WDHD1: variants seen among roughly 807,000 people sequenced by gnomAD.
The protein encoded by WDHD1 is WD repeat and HMG-box DNA-binding protein 1.
WDHD1 carries 111 observed loss-of-function variants against 135.4 expected under a neutral mutation model. The observed-to-expected ratio is 0.82, with a 90% CI of 0.70 to 0.96. The LOEUF is 0.96. Ranked by LOEUF, WDHD1 falls within the 40% of genes least tolerant of loss-of-function variation. The pLI is 0.00. For missense variants in WDHD1, 1,351 were observed against 1,336.3 expected, an observed-to-expected ratio of 1.01 and a Z score of -0.17; for synonymous variants, 434 against 439.0, an observed-to-expected ratio of 0.99 and a Z score of 0.14.
At chr14:54,963,312 A>C (rs1373629484) in intron 18 of WDHD1, 140 bp from the exon 19 acceptor site, 2 of 689,402 alleles carry the variant, frequency 2.9e-6, no homozygotes, top group African/African-American at 1.8e-5. Flanking sequence ...CATTTTTACA[A>C]GTTTTAACAT....
chr14:54,972,592 G>GAAAAAAAAAAAA (rs2041458422), intron 16 of WDHD1, among the ~76,000 whole-genome samples: 1 of 32,962 alleles, frequency 3.0e-5, no homozygotes, highest in Non-Finnish European at 5.2e-5. Flanking sequence ...AAAAAAAAAT[G>GAAAAAAAAAAAA]CCAATGAGGC....
chr14:54,946,516 T>C (rs1384131966), intron 24 of WDHD1, among the ~76,000 whole-genome samples: 1 of 152,196 alleles, frequency 6.6e-6, no homozygotes, highest in East Asian at 1.9e-4. Context: ...GAAAGGGTCT[T>C]GCTTTGTCGC....
chr14:54,943,670 T>C (rs1349824986), intron 25 of WDHD1, among the ~76,000 whole-genome samples: 1 of 152,166 alleles, frequency 6.6e-6, no homozygotes, highest in Non-Finnish European at 1.5e-5. Flanking sequence ...AGTGCTAGGA[T>C]TACAGGCTTG....
At chr14:54,948,853 T>A (rs2040982979) in intron 24 of WDHD1, among the ~76,000 whole-genome samples, 1 of 152,148 alleles carries the variant, frequency 6.6e-6, no homozygotes, top group East Asian at 1.9e-4. Flanking sequence ...TCACCAATAT[T>A]TGCTGTTCTG....
intron 10 of WDHD1, among the ~76,000 whole-genome samples, chr14:54,999,772 T>C (rs1476700474): frequency 6.6e-6 from 1 of 152,082 alleles, no homozygotes; most frequent in African/African-American, 2.4e-5. Context: ...GCCTAATTTT[T>C]ATTTTTTAAT....
chr14:54,999,195 T>G (rs2041939859), intron 10 of WDHD1, among the ~76,000 whole-genome samples: 1 of 152,202 alleles, frequency 6.6e-6, no homozygotes, highest in South Asian at 2.1e-4. Flanking sequence ...CATTCAAGTA[T>G]CTAATCTTTC....
chr14:54,993,178 T>TG (rs1304001603), intron 11 of WDHD1, among the ~76,000 whole-genome samples: 1 of 152,172 alleles, frequency 6.6e-6, no homozygotes, highest in Non-Finnish European at 1.5e-5. Flanking sequence ...AGCCCACTGT[T>TG]GCAATCATGG....
intron 18 of WDHD1, among the ~76,000 whole-genome samples, 189 bp downstream of exon 18, chr14:54,966,286 G>A (rs1465510072): frequency 1.3e-5 from 2 of 151,616 alleles, no homozygotes; most frequent in African/African-American, 2.4e-5. Context: ...AGTGAGCCGA[G>A]ATCGCACCAC....
At chr14:55,013,194 CAAAAAAAAAAAAAA>C (rs71448422) in intron 3 of WDHD1, among the ~76,000 whole-genome samples, 1 of 82,336 alleles carries the variant, frequency 1.2e-5, no homozygotes, top group South Asian at 5.2e-4. Flanking sequence ...GATCCCGTTT[CAAAAAAAAAAAAAA>C]AAAAAAAAAA....
Position 55,009,367 on chromosome 14 carries a change from G to A in WDHD1, c.342-648C>T, listed in dbSNP as rs1030620630. ...TCAACCAACTATATTGTTTTCCTAT[G>A]ACAAAGAAGCATCAAGAGAAACTCC... On this transcript the variant is annotated intron_variant, in intron 4 of 25. Transcript: ENST00000360586. 5.3e-5 allele frequency among the ~76,000 whole-genome samples: 8 copies of A among 151,638 alleles called. No individual in the cohort carries two copies. In the East Asian group the frequency reaches 1.5e-3, roughly 29 times the overall value.
intron 24 of WDHD1, among the ~76,000 whole-genome samples, chr14:54,954,871 A>G (rs900457811): frequency 5.3e-5 from 8 of 152,126 alleles, no homozygotes; most frequent in Non-Finnish European, 1.2e-4. Flanking sequence ...CTGGGATTAC[A>G]GGCATGTGCC....
chr14:55,007,451 A>G, intron 6 of WDHD1, 76 bp from the exon 7 acceptor site: 1 of 1,078,126 alleles, frequency 9.3e-7, no homozygotes, highest in Non-Finnish European at 1.3e-6. Context: ...GAATATATTT[A>G]AAGGTTCTTC....
At chr14:54,995,888 T>C (rs2041871030) in intron 10 of WDHD1, 75 bp from the exon 11 acceptor site, 1 of 1,172,372 alleles carries the variant, frequency 8.5e-7, no homozygotes, top group East Asian at 2.6e-5. Flanking sequence ...AAGGTAAACT[T>C]TTAATATGCA....
intron 2 of WDHD1, among the ~76,000 whole-genome samples, chr14:55,022,824 CTT>C (rs869133747): frequency 2.8e-4 from 38 of 136,682 alleles, no homozygotes; most frequent in South Asian, 2.3e-4. Context: ...CTTTCTCTTT[CTT>C]TTTTTTTTTT....
At chr14:54,961,290 C>G (rs77852019) in intron 21 of WDHD1, among the ~76,000 whole-genome samples, 4,335 of 151,794 alleles carry the variant, frequency 0.029, 76 homozygotes, top group South Asian at 0.049. Context: ...TTGAGACCAG[C>G]CTGGACAACA....
At chr14:55,015,583 C>T (rs747853086) in intron 2 of WDHD1, among the ~76,000 whole-genome samples, 1 of 151,978 alleles carries the variant, frequency 6.6e-6, no homozygotes, top group Non-Finnish European at 1.5e-5. Flanking sequence ...TCGGGGACAA[C>T]ATGTGAGGCA....
At chr14:55,000,289 T>C (rs1198243243) in intron 10 of WDHD1, among the ~76,000 whole-genome samples, 2 of 152,122 alleles carry the variant, frequency 1.3e-5, no homozygotes, top group African/African-American at 2.4e-5. Context: ...GGAAAGGCAT[T>C]ATATGGAGAG....
intron 16 of WDHD1, among the ~76,000 whole-genome samples, chr14:54,972,939 C>T (rs972459285): frequency 3.9e-5 from 6 of 152,178 alleles, no homozygotes; most frequent in African/African-American, 1.4e-4. Context: ...ACTGTCTAAA[C>T]CTGTTCTGAG....
At chr14:54,944,311 T>C in intron 25 of WDHD1, 21 bp downstream of exon 25, 1 of 1,597,856 alleles carries the variant, frequency 6.3e-7, no homozygotes, top group Non-Finnish European at 8.5e-7. Flanking sequence ...AAGATCTCAA[T>C]CTCGGCACAA....
Sources: allele counts gnomAD v4.1 joint callset (sites outside exome capture counted in the v4.1 genomes callset), GRCh38; gene constraint gnomAD v4.1.1; transcripts MANE v1.5; gene names NCBI Gene and HGNC (gene_info 2026-07-23, HGNC 2026-07-21).